Variants in ADAMTS6 observed in about 807,000 individuals in gnomAD.
The protein encoded by ADAMTS6 is A disintegrin and metalloproteinase with thrombospondin motifs 6.
In ADAMTS6, 23 loss-of-function variants were observed where a neutral mutation model predicts 144.3. The observed-to-expected ratio is 0.16, with a 90% CI of 0.11 to 0.23. The LOEUF is 0.23. Ranked by LOEUF, ADAMTS6 falls within the 10% of genes least tolerant of loss-of-function variation. The pLI is 1.00. For missense variants in ADAMTS6, 999 were observed against 1,379.6 expected, an observed-to-expected ratio of 0.72 and a Z score of 4.37; for synonymous variants, 444 against 457.5, an observed-to-expected ratio of 0.97 and a Z score of 0.38.
intron 8 of ADAMTS6, among the ~76,000 whole-genome samples, chr5:65,332,342 G>T (rs930880385): frequency 2.0e-5 from 3 of 147,064 alleles, no homozygotes; most frequent in African/African-American, 7.5e-5. Context: ...GAGAGAGAGT[G>T]TATATGTGCA....
intron 7 of ADAMTS6, among the ~76,000 whole-genome samples, chr5:65,435,695 G>A (rs867295383): frequency 5.9e-5 from 9 of 151,466 alleles, no homozygotes; most frequent in South Asian, 2.1e-4. Flanking sequence ...GCGCGATATC[G>A]GCTCACTGCA....
chr5:65,311,347 T>C (rs1375948448), intron 9 of ADAMTS6, among the ~76,000 whole-genome samples: 2 of 152,136 alleles, frequency 1.3e-5, no homozygotes, highest in African/African-American at 2.4e-5. Flanking sequence ...GTGGTTACTA[T>C]ACAGAGACTG....
chr5:65,437,826 C>T (rs750633980), intron 7 of ADAMTS6, among the ~76,000 whole-genome samples: 4 of 151,948 alleles, frequency 2.6e-5, no homozygotes, highest in Non-Finnish European at 4.4e-5. Context: ...TTTTTTATTG[C>T]GGGTTTTTCC....
intron 24 of ADAMTS6, among the ~76,000 whole-genome samples, chr5:65,164,006 A>G (rs2081116): frequency 0.43 from 64,904 of 152,142 alleles, 15,395 homozygotes; most frequent in Non-Finnish European, 0.53. Context: ...CAATGAATAA[A>G]AAACAGACAG....
intron 11 of ADAMTS6, among the ~76,000 whole-genome samples, chr5:65,276,493 T>G (rs534077600): frequency 6.6e-6 from 1 of 152,196 alleles, no homozygotes; most frequent in Admixed American, 6.5e-5. Context: ...CTTTTTTTTC[T>G]TTTAAAGGAT....
At position 65,452,732 on chromosome 5, in the gene ADAMTS6, T is replaced by C. The variant is rs1217104376; in HGVS notation, c.818A>G (p.His273Arg). The C allele has an allele frequency of 1.9e-6, 3 of 1,614,070 alleles. No homozygotes were observed. Among genetic ancestry groups the C allele is most frequent in the Non-Finnish European group, 1.7e-6 (2 of 1,179,952 alleles). ...AATATTCATCACACTCAAAATGTAATGTTCAATGTCTTTGCGGCCATGGTA... is the reference window on the plus strand; with the variant it reads ...AATATTCATCACACTCAAAATGTAACGTTCAATGTCTTTGCGGCCATGGTA... ...VGYHGRKDIE[H>R]YILSVMNIVA... Residue 273 changes from histidine (H) to arginine (R), a missense_variant, in exon 5 of 25, where the codon CAT becomes CGT. His to Arg is a conservative substitution (Grantham distance 29). Transcript: ENST00000381055.
intron 7 of ADAMTS6, among the ~76,000 whole-genome samples, chr5:65,341,829 CCTAA>C (rs1747861490): frequency 6.6e-6 from 1 of 152,110 alleles, no homozygotes; most frequent in South Asian, 2.1e-4. Context: ...AGAAATCTTT[CCTAA>C]CTCATTCTAT....
At chr5:65,452,036 GAAGC>G in intron 6 of ADAMTS6, 93 bp downstream of exon 6, 4 of 985,008 alleles carry the variant, frequency 4.1e-6, no homozygotes, top group Non-Finnish European at 5.7e-6. Context: ...TTTCCTAATA[GAAGC>G]AATAATAAAA....
At chr5:65,321,776 C>T (rs1445295949) in intron 9 of ADAMTS6, among the ~76,000 whole-genome samples, 2 of 131,300 alleles carry the variant, frequency 1.5e-5, no homozygotes, top group Admixed American at 9.9e-5. Context: ...AGTGCAATGG[C>T]ACGATCTCAG....
chr5:65,333,681 T>C (rs1379189227), intron 8 of ADAMTS6, among the ~76,000 whole-genome samples: 1 of 151,758 alleles, frequency 6.6e-6, no homozygotes, highest in Non-Finnish European at 1.5e-5. Context: ...CTCACAATCT[T>C]GGTATTTCTA....
chr5:65,178,028 G>A (rs1754090506), intron 22 of ADAMTS6, among the ~76,000 whole-genome samples: 1 of 152,132 alleles, frequency 6.6e-6, no homozygotes. Flanking sequence ...CTCACGACAG[G>A]GAGGAAACTT....
intron 11 of ADAMTS6, among the ~76,000 whole-genome samples, chr5:65,288,048 A>T (rs959369139): frequency 6.6e-6 from 1 of 152,206 alleles, no homozygotes; most frequent in African/African-American, 2.4e-5. Flanking sequence ...AGAAAAGATG[A>T]TATGCAAGAA....
chr5:65,204,282 G>A (rs1329690971), intron 20 of ADAMTS6, among the ~76,000 whole-genome samples: 1 of 152,022 alleles, frequency 6.6e-6, no homozygotes, highest in Admixed American at 6.6e-5. Flanking sequence ...ATATGCTTAA[G>A]GAAAAAAGAT....
chr5:65,174,626 G>A (rs917582268), intron 22 of ADAMTS6, among the ~76,000 whole-genome samples: 5 of 152,164 alleles, frequency 3.3e-5, no homozygotes, highest in African/African-American at 9.7e-5. Flanking sequence ...GATCACCCAC[G>A]GTCTGCCTGT....
chr5:65,270,973 G>C (rs1370342868), intron 12 of ADAMTS6, among the ~76,000 whole-genome samples: 3 of 152,080 alleles, frequency 2.0e-5, no homozygotes, highest in Non-Finnish European at 4.4e-5. Flanking sequence ...TAAAGAAAGG[G>C]TTTATGGATC....
At chr5:65,238,177 T>C (rs752329053) in intron 15 of ADAMTS6, among the ~76,000 whole-genome samples, 4 of 151,946 alleles carry the variant, frequency 2.6e-5, no homozygotes, top group Non-Finnish European at 4.4e-5. Flanking sequence ...AATCAATACA[T>C]GTACAAATTA....
Position 65,246,004 on chromosome 5 carries a change from C to T in ADAMTS6, c.1831-3798G>A, listed in dbSNP as rs115362675. On this transcript the variant is annotated intron_variant, in intron 14 of 24. Transcript: ENST00000381055. ...ATTTCTCAGTCAATATAGAATCATA[C>T]CTTTTAAGAATTCAGGTTAGAAGTG... Among the ~76,000 whole-genome samples the T allele has an allele frequency of 4.7e-3, 722 of 152,234 alleles. 2 individuals are homozygous for T. Among genetic ancestry groups the T allele is most frequent in the African/African-American group, 0.016 (676 of 41,544 alleles).
chr5:65,322,793 G>A (rs1745752352), intron 9 of ADAMTS6, among the ~76,000 whole-genome samples: 1 of 152,052 alleles, frequency 6.6e-6, no homozygotes, highest in African/African-American at 2.4e-5. Flanking sequence ...GGATGATGGG[G>A]TTTTCTAGAT....
chr5:65,220,090 C>A (rs1400891133), intron 18 of ADAMTS6, among the ~76,000 whole-genome samples: 1 of 152,018 alleles, frequency 6.6e-6, no homozygotes, highest in Non-Finnish European at 1.5e-5. Context: ...TTCTCAAGTG[C>A]ACATGTGCTA....
Sources: allele counts gnomAD v4.1 joint callset (sites outside exome capture counted in the v4.1 genomes callset), GRCh38; gene constraint gnomAD v4.1.1; transcripts MANE v1.5; gene names NCBI Gene and HGNC (gene_info 2026-07-23, HGNC 2026-07-21).